Variants in OSTN observed in about 807,000 individuals in gnomAD.
The protein encoded by OSTN is osteocrin.
Under a neutral mutation model 12.0 loss-of-function variants are expected in OSTN, and 9 were observed. The ratio of observed to expected loss-of-function variants is 0.75; its 90% CI spans 0.45 to 1.30. The LOEUF is 1.30. Ranked by LOEUF, OSTN falls within the 50% of genes most tolerant of loss-of-function variation. The pLI is 0.00. For missense variants in OSTN, 148 were observed against 152.3 expected, an observed-to-expected ratio of 0.97 and a Z score of 0.15; for synonymous variants, 59 against 56.9, an observed-to-expected ratio of 1.04 and a Z score of -0.16.
At chr3:191,241,807 C>T (rs1431355866) in intron 3 of OSTN, among the ~76,000 whole-genome samples, 3 of 152,064 alleles carry the variant, frequency 2.0e-5, no homozygotes, top group Non-Finnish European at 4.4e-5. Context: ...TGTTCTCAAA[C>T]TACAATGTGA....
chr3:191,214,449 A>AAC (rs1553818008), intron 2 of OSTN, among the ~76,000 whole-genome samples: 1 of 149,464 alleles, frequency 6.7e-6, no homozygotes. Flanking sequence ...AAAAAAAAAA[A>AAC]AAAAAAAAAA....
intron 3 of OSTN, among the ~76,000 whole-genome samples, chr3:191,226,259 T>C (rs1028925189): frequency 7.2e-5 from 11 of 152,206 alleles, no homozygotes; most frequent in Admixed American, 3.9e-4. Context: ...ATGTAATCTT[T>C]CATATTAATA....
intron 3 of OSTN, among the ~76,000 whole-genome samples, chr3:191,239,421 G>A (rs1044035133): frequency 1.3e-5 from 2 of 152,202 alleles, no homozygotes; most frequent in African/African-American, 4.8e-5. Context: ...CCTGCCTCTA[G>A]ACCCTATTTT....
At chr3:191,216,563 C>T (rs1714617744) in intron 2 of OSTN, among the ~76,000 whole-genome samples, 1 of 152,126 alleles carries the variant, frequency 6.6e-6, no homozygotes, top group Non-Finnish European at 1.5e-5. Flanking sequence ...ATACATAAAA[C>T]TGAATGCTTT....
intron 3 of OSTN, among the ~76,000 whole-genome samples, chr3:191,246,614 A>G (rs1273001846): frequency 5.3e-5 from 8 of 151,322 alleles, no homozygotes; most frequent in Non-Finnish European, 8.9e-5. Flanking sequence ...CAAAAAAAAA[A>G]AAAGAAAGAA....
chr3:191,201,375 T>C (rs1259628771), intron 1 of OSTN, among the ~76,000 whole-genome samples: 3 of 152,188 alleles, frequency 2.0e-5, no homozygotes, highest in Non-Finnish European at 2.9e-5. Flanking sequence ...TTGTGGATAT[T>C]AAATTTGACA....
chr3:191,217,824 T>C (rs1714656445), intron 2 of OSTN, among the ~76,000 whole-genome samples: 1 of 152,166 alleles, frequency 6.6e-6, no homozygotes, highest in Non-Finnish European at 1.5e-5. Context: ...ATTTTTATTT[T>C]TGTATCCTTC....
chr3:191,262,854 T>C lies in OSTN; in HGVS notation c.*13-12T>C. ...TCATTAGCTTTAACAATCTCAACTTTCGTTTTTGCAGATGCAACTTCCTTG... is the reference window on the plus strand; with the variant it reads ...TCATTAGCTTTAACAATCTCAACTTCCGTTTTTGCAGATGCAACTTCCTTG... On this transcript the variant is annotated splice_polypyrimidine_tract_variant and intron_variant, in intron 4 of 4. Coordinates refer to ENST00000682035, the MANE Select transcript of OSTN (RefSeq NM_198184.2). The C allele has an allele frequency of 1.4e-6, 1 of 702,012 alleles. No homozygotes were observed. 43.5% of individuals were successfully genotyped at this position (702,012 alleles called of 1,614,324 possible). A position where few individuals can be genotyped will look rare whatever the true frequency, so the allele number is the denominator to read the frequency against.
At chr3:191,225,553 T>C (rs1283617256) in intron 3 of OSTN, among the ~76,000 whole-genome samples, 1 of 151,990 alleles carries the variant, frequency 6.6e-6, no homozygotes, top group East Asian at 1.9e-4. Context: ...CTATACACAA[T>C]AGTAAAGTCA....
chr3:191,232,331 T>TAAAAAAAAAAAAAA (rs61313474), intron 3 of OSTN, among the ~76,000 whole-genome samples: 12 of 67,490 alleles, frequency 1.8e-4, no homozygotes, highest in African/African-American at 1.1e-3. Context: ...AGACTCTGTC[T>TAAAAAAAAAAAAAA]AAAAAAAAAA....
At chr3:191,220,543 A>T (rs534816528) in intron 3 of OSTN, among the ~76,000 whole-genome samples, 1 of 152,310 alleles carries the variant, frequency 6.6e-6, no homozygotes, top group East Asian at 1.9e-4. Flanking sequence ...TGGGAATGTA[A>T]ATTAGTATAA....
chr3:191,230,332 G>A (rs1319827793), intron 3 of OSTN, among the ~76,000 whole-genome samples: 1 of 151,866 alleles, frequency 6.6e-6, no homozygotes, highest in Non-Finnish European at 1.5e-5. Flanking sequence ...TTGGTAGGCA[G>A]AGGCGGGCAG....
At chr3:191,217,141 T>A (rs553622656) in intron 2 of OSTN, 1 of 152,380 alleles carries the variant, frequency 6.6e-6, no homozygotes, top group African/African-American at 2.4e-5. Flanking sequence ...GCAAGGCACC[T>A]TCTTCACAAG....
chr3:191,232,605 T>C (rs1395545863), intron 3 of OSTN, among the ~76,000 whole-genome samples: 1 of 149,162 alleles, frequency 6.7e-6, no homozygotes, highest in East Asian at 1.9e-4. Flanking sequence ...CTAAATCATT[T>C]TTTTTTTTTT....
rs71298518 is a variant in OSTN at position 191,214,436 on chromosome 3, C to CAA, written c.102+1827_102+1828dup. 4.1e-3 allele frequency among the ~76,000 whole-genome samples: 80 copies of CAA among 19,318 alleles called. 6 individuals are homozygous for CAA. The highest frequency in any genetic ancestry group is 7.3e-3 in the Non-Finnish European group (57 of 7,830). The allele number at this position is 19,318 out of a possible 152,430, so 12.7% of individuals were successfully genotyped here. A position where few individuals can be genotyped will look rare whatever the true frequency, so the allele number is the denominator to read the frequency against. On this transcript the variant is annotated intron_variant, in intron 2 of 4. Coordinates refer to ENST00000682035, the MANE Select transcript of OSTN (RefSeq NM_198184.2). ...CTGTTAACAGAGTGAGACTCCATCT[C>CAA]AAAAAAAAAAAAAAAAAAAAAAAAA...
intron 4 of OSTN, among the ~76,000 whole-genome samples, chr3:191,256,089 G>T (rs1715664409): frequency 6.6e-6 from 1 of 151,924 alleles, no homozygotes; most frequent in South Asian, 2.1e-4. Flanking sequence ...TCTTAGACTG[G>T]CATGGTTAAA....
At chr3:191,226,882 G>C (rs774931449) in intron 3 of OSTN, among the ~76,000 whole-genome samples, 4 of 152,106 alleles carry the variant, frequency 2.6e-5, no homozygotes, top group Non-Finnish European at 5.9e-5. Context: ...TCAGAGATTT[G>C]ATTGAAGAAA....
chr3:191,263,152 A>C lies in OSTN; in HGVS notation c.*299A>C. The C allele has an allele frequency of 2.8e-6, 1 of 351,432 alleles. No homozygotes were observed. The highest frequency in any genetic ancestry group is 5.1e-6 in the Non-Finnish European group (1 of 194,766). The allele number at this position is 351,432 out of a possible 1,614,324, so 21.8% of individuals were successfully genotyped here. A position where few individuals can be genotyped will look rare whatever the true frequency, so the allele number is the denominator to read the frequency against. On this transcript the variant is annotated 3_prime_UTR_variant, in exon 5 of 5. Transcript: ENST00000682035. ...AATAATTAAATACACAATACAGTGA[A>C]ATGCCTTCTGTATGGATTTACCATG... is the stretch of plus-strand genomic sequence containing the variant.
chr3:191,259,935 A>G (rs1425629336), intron 4 of OSTN, among the ~76,000 whole-genome samples: 4 of 148,658 alleles, frequency 2.7e-5, no homozygotes, highest in South Asian at 2.1e-4. Flanking sequence ...ACTTACTGCA[A>G]CCTCCACCTC....
Sources: gnomAD v4.1 joint callset for allele counts (sites outside exome capture counted in the v4.1 genomes callset) on GRCh38, gnomAD v4.1.1 for gene constraint, MANE v1.5 for transcripts, NCBI Gene and HGNC (gene_info 2026-07-23, HGNC 2026-07-21) for gene names.